ITK: variants seen among roughly 807,000 people sequenced by gnomAD.
ITK encodes IL2 inducible T cell kinase, also known as tyrosine-protein kinase ITK/TSK.
ITK carries 45 observed loss-of-function variants against 87.6 expected under a neutral mutation model. The observed-to-expected ratio is 0.51, with a 90% CI of 0.40 to 0.66. ITK has a LOEUF of 0.66. Among genes scored for constraint, ITK ranks in the 30% least tolerant of loss-of-function variants. ITK has a pLI of 0.00. For synonymous variants in ITK, 303 were observed against 273.6 expected (o/e 1.11, Z -1.06); for missense variants, 605 against 766.3 (o/e 0.79, Z 2.48).
At chr5:157,193,046 T>A (rs1269907978) in intron 1 of ITK, among the ~76,000 whole-genome samples, 1 of 152,000 alleles carries the variant, frequency 6.6e-6, no homozygotes, top group Non-Finnish European at 1.5e-5. Flanking sequence ...TGAGATCCCA[T>A]CTCCACAAAA....
At chr5:157,191,119 T>A (rs547261174) in intron 1 of ITK, among the ~76,000 whole-genome samples, 124 of 151,784 alleles carry the variant, frequency 8.2e-4, no homozygotes, top group African/African-American at 3.9e-4. Context: ...TCTTATGTTT[T>A]TTTATTTATT....
Position 157,241,770 on chromosome 5 carries a change from C to A in ITK, c.1060+50C>A, listed in dbSNP as rs757894796. ...AACTCATGTCCCTAAAGGTCTGGGG[C>A]AAATTCTGAATAAACTGGCCATGAG... On this transcript the variant is annotated intron_variant, in intron 11 of 16. Coordinates refer to ENST00000422843, the MANE Select transcript of ITK (RefSeq NM_005546.4). 8.6e-6 allele frequency: 12 copies of A among 1,401,202 alleles called. No homozygotes were observed. In the East Asian group the frequency reaches 2.1e-4, roughly 24 times the overall value. The allele number at this position is 1,401,202 out of a possible 1,614,324, so 86.8% of individuals were successfully genotyped here.
intron 1 of ITK, among the ~76,000 whole-genome samples, chr5:157,188,611 A>G (rs1753691487): frequency 6.7e-6 from 1 of 148,870 alleles, no homozygotes; most frequent in African/African-American, 2.5e-5. Context: ...AGATTTTTGC[A>G]GGAGGGTTTG....
rs751331298 is a variant in ITK, at chr5:157,214,174, G to A, written c.326-17G>A. Reference sequence around the variant, plus strand: ...TGACCTGGAAATAACTCTTCTGTTGGTGCCAACCTGTTTCAGAAACGAGGA... The same window carrying A: ...TGACCTGGAAATAACTCTTCTGTTGATGCCAACCTGTTTCAGAAACGAGGA... On this transcript the variant is annotated splice_polypyrimidine_tract_variant and intron_variant, in intron 3 of 16. Transcript: ENST00000422843. 1.9e-6 allele frequency: 3 copies of A among 1,609,546 alleles called. No individual in the cohort carries two copies. Among genetic ancestry groups the A allele is most frequent in the Admixed American group, 3.3e-5 (2 of 60,008 alleles).
At chr5:157,242,834 C>T (rs1424758164) in intron 11 of ITK, among the ~76,000 whole-genome samples, 8 of 152,184 alleles carry the variant, frequency 5.3e-5, no homozygotes, top group Non-Finnish European at 1.0e-4. Context: ...AGAACCACTG[C>T]CACGCATGGG....
At chr5:157,209,025 C>T in intron 2 of ITK, 32 bp downstream of exon 2, 1 of 1,394,422 alleles carries the variant, frequency 7.2e-7, no homozygotes, top group Non-Finnish European at 1.0e-6. Flanking sequence ...TTCCCCATTC[C>T]CTGGACTGTG....
intron 16 of ITK, among the ~76,000 whole-genome samples, chr5:157,251,077 T>G (rs1755131509): frequency 6.6e-6 from 1 of 152,214 alleles, no homozygotes. Flanking sequence ...ATGGTAAGAC[T>G]ATGTTTAACT....
chr5:157,242,683 T>C (rs1754935282), intron 11 of ITK, among the ~76,000 whole-genome samples: 1 of 152,190 alleles, frequency 6.6e-6, no homozygotes, highest in Non-Finnish European at 1.5e-5. Flanking sequence ...GGTCTTAAAC[T>C]CCTGGGCTCA....
intron 3 of ITK, among the ~76,000 whole-genome samples, chr5:157,213,213 C>T (rs1170927471): frequency 6.6e-6 from 1 of 152,294 alleles, no homozygotes; most frequent in South Asian, 2.1e-4. Context: ...GAAGGAGGAA[C>T]TTGCCAAATA....
chr5:157,250,768 T>C (rs992353351), intron 16 of ITK, among the ~76,000 whole-genome samples: 5 of 152,152 alleles, frequency 3.3e-5, no homozygotes, highest in African/African-American at 1.2e-4. Context: ...CCTCCCGTAG[T>C]GCTGGGATTA....
intron 3 of ITK, among the ~76,000 whole-genome samples, chr5:157,212,113 G>A (rs1005057597): frequency 1.3e-5 from 2 of 152,182 alleles, no homozygotes; most frequent in Admixed American, 1.3e-4. Context: ...GTGACCCTGG[G>A]TAAGTTCCTT....
chr5:157,222,471 T>C (rs1258132620), intron 5 of ITK, among the ~76,000 whole-genome samples: 3 of 152,216 alleles, frequency 2.0e-5, no homozygotes, highest in Non-Finnish European at 1.5e-5. Context: ...CAATAACCTA[T>C]GATTCCGTAG....
At chr5:157,252,562 C>G (rs183151868) in intron 16 of ITK, 45 bp from the exon 17 acceptor site, 1,674 of 1,424,382 alleles carry the variant, frequency 1.2e-3, no homozygotes, top group Non-Finnish European at 1.5e-3. Flanking sequence ...TTACCTATGA[C>G]GCATAAGTAC....
chr5:157,243,213 G>GC (rs539942984), intron 11 of ITK, among the ~76,000 whole-genome samples: 105 of 152,280 alleles, frequency 6.9e-4, no homozygotes, highest in African/African-American at 2.4e-3. Context: ...CTCTTTAACT[G>GC]CCCCTCTGCC....
intron 7 of ITK, among the ~76,000 whole-genome samples, chr5:157,229,399 G>A (rs141034601): frequency 5.3e-5 from 8 of 152,304 alleles, no homozygotes; most frequent in Admixed American, 2.6e-4. Context: ...GGTATCTTGT[G>A]TCTCCTTATG....
intron 11 of ITK, among the ~76,000 whole-genome samples, chr5:157,243,028 G>C (rs1301472728): frequency 6.6e-6 from 1 of 152,186 alleles, no homozygotes; most frequent in East Asian, 1.9e-4. Flanking sequence ...GTAGAATCTT[G>C]ATGTGTCCGT....
At chr5:157,199,582 A>T (rs566197787) in intron 1 of ITK, 3 of 152,212 alleles carry the variant, frequency 2.0e-5, no homozygotes, top group African/African-American at 4.8e-5. Flanking sequence ...TCTTCTGTGG[A>T]AAGTCCCAGC....
chr5:157,207,539 C>A lies in ITK; in HGVS notation c.139-1350C>A, dbSNP rs550689858. ...GGGATTATAGGCGCCCGCCACCACA[C>A]CTGGCTAATTTTTGTATTTTTAGTA... On this transcript the variant is annotated intron_variant, in intron 1 of 16. Coordinates refer to ENST00000422843, the MANE Select transcript of ITK (RefSeq NM_005546.4). 1.4e-4 allele frequency among the ~76,000 whole-genome samples: 21 copies of A among 152,064 alleles called. No homozygotes were observed. The South Asian group carries it at 3.9e-3, about 29-fold the overall frequency.
chr5:157,208,871 GTTC>G lies in ITK; in HGVS notation c.139-13_139-11del, dbSNP rs1561652535. ...GTCTTCTTTCTTACATGAATGGGATGTTCTTCTCTCCCCACAGAAGAAGCGCAC... is the reference window on the plus strand; with the variant it reads ...GTCTTCTTTCTTACATGAATGGGATGTTCTCTCCCCACAGAAGAAGCGCAC... On this transcript the variant is annotated splice_polypyrimidine_tract_variant and intron_variant, in intron 1 of 16. Transcript: ENST00000422843. The G allele has an allele frequency of 6.5e-7, 1 of 1,530,466 alleles. No homozygotes were observed. Among genetic ancestry groups the G allele is most frequent in the Non-Finnish European group, 9.1e-7 (1 of 1,103,828 alleles). 94.8% of individuals were successfully genotyped at this position (1,530,466 alleles called of 1,614,324 possible). A position where few individuals can be genotyped will look rare whatever the true frequency, so the allele number is the denominator to read the frequency against.
Sources: allele counts gnomAD v4.1 joint callset (sites outside exome capture counted in the v4.1 genomes callset), GRCh38; gene constraint gnomAD v4.1.1; transcripts MANE v1.5; gene names NCBI Gene and HGNC (gene_info 2026-07-23, HGNC 2026-07-21).